Variants in ZBTB20 observed in about 807,000 individuals in gnomAD.
The protein encoded by ZBTB20 is zinc finger and BTB domain-containing protein 20.
Under a neutral mutation model 56.9 loss-of-function variants are expected in ZBTB20, and 9 were observed. The ratio of observed to expected loss-of-function variants is 0.16; its 90% CI spans 0.10 to 0.28. The LOEUF is 0.28. Among genes scored for constraint, ZBTB20 ranks in the 10% least tolerant of loss-of-function variants. The pLI, the probability that ZBTB20 is intolerant of heterozygous loss-of-function variation, is 1.00. For missense variants in ZBTB20, 655 were observed against 1,003.0 expected, an observed-to-expected ratio of 0.65 and a Z score of 4.69; for synonymous variants, 417 against 420.7, an observed-to-expected ratio of 0.99 and a Z score of 0.11.
intron 6 of ZBTB20, among the ~76,000 whole-genome samples, chr3:114,512,078 CAA>C (rs1295760540): frequency 1.3e-5 from 2 of 151,996 alleles, no homozygotes; most frequent in African/African-American, 4.8e-5. Flanking sequence ...TCTGTTAGAC[CAA>C]TACAGTATGT....
At chr3:115,008,744 C>T (rs916069104) in intron 2 of ZBTB20, among the ~76,000 whole-genome samples, 2 of 151,818 alleles carry the variant, frequency 1.3e-5, no homozygotes, top group Non-Finnish European at 2.9e-5. Context: ...TAATGGCAAA[C>T]ATTTTTTCTT....
chr3:114,673,107 A>G (rs1192824747), intron 6 of ZBTB20, among the ~76,000 whole-genome samples: 5 of 152,174 alleles, frequency 3.3e-5, no homozygotes, highest in Admixed American at 3.3e-4. Flanking sequence ...AGACATGCTT[A>G]GCTGCTCTCA....
Position 114,614,379 on chromosome 3 carries a change from A to T in ZBTB20, c.-295+79149T>A, listed in dbSNP as rs570629462. Among the ~76,000 whole-genome samples, 4 of 152,308 alleles carry T rather than the reference A, an allele frequency of 2.6e-5. No individual in the cohort carries two copies. In the East Asian group the frequency reaches 7.7e-4, roughly 29 times the overall value. ...GGAAAAATTGAGTATTGTGAGGAGC[A>T]CTGGAACAATGGAAAAGGTAATATG... On this transcript the variant is annotated intron_variant, in intron 6 of 11. Coordinates refer to ENST00000675478, the MANE Select transcript of ZBTB20 (RefSeq NM_001348800.3).
chr3:114,635,478 C>A (rs1375088181), intron 6 of ZBTB20, among the ~76,000 whole-genome samples: 2 of 151,888 alleles, frequency 1.3e-5, no homozygotes, highest in Non-Finnish European at 2.9e-5. Flanking sequence ...AATTAACTGA[C>A]AAAGAATGCA....
At chr3:114,632,979 A>C (rs567778743) in intron 6 of ZBTB20, among the ~76,000 whole-genome samples, 1 of 152,194 alleles carries the variant, frequency 6.6e-6, no homozygotes, top group African/African-American at 2.4e-5. Context: ...TTAGATGCAA[A>C]TTTTTTGACT....
chr3:114,806,528 A>G (rs1377102513), intron 4 of ZBTB20, among the ~76,000 whole-genome samples: 1 of 151,902 alleles, frequency 6.6e-6, no homozygotes, highest in Non-Finnish European at 1.5e-5. Context: ...AATCTTGCAA[A>G]TATTTTCGCC....
At chr3:114,967,025 C>G (rs1560445947) in intron 3 of ZBTB20, among the ~76,000 whole-genome samples, 1 of 151,986 alleles carries the variant, frequency 6.6e-6, no homozygotes. Flanking sequence ...CTAGTTTTAA[C>G]CTAGAGAATA....
At chr3:114,721,885 A>T (rs1404112748) in intron 5 of ZBTB20, among the ~76,000 whole-genome samples, 2 of 152,244 alleles carry the variant, frequency 1.3e-5, no homozygotes, top group Admixed American at 6.5e-5. Context: ...TCTTGACTTC[A>T]CATTGTACAT....
intron 10 of ZBTB20, among the ~76,000 whole-genome samples, chr3:114,355,616 C>T (rs1487976361): frequency 6.6e-6 from 1 of 152,110 alleles, no homozygotes; most frequent in Non-Finnish European, 1.5e-5. Flanking sequence ...AGGCAAAGTC[C>T]AGGCTTTTGT....
At chr3:114,832,734 C>G (rs1303403326) in intron 4 of ZBTB20, among the ~76,000 whole-genome samples, 1 of 151,996 alleles carries the variant, frequency 6.6e-6, no homozygotes. Flanking sequence ...ATCTTAGATA[C>G]TAAATTTGTG....
At chr3:115,085,720 C>A (rs1040222921) in intron 1 of ZBTB20, among the ~76,000 whole-genome samples, 2 of 151,802 alleles carry the variant, frequency 1.3e-5, no homozygotes, top group African/African-American at 4.8e-5. Flanking sequence ...TGCCTCAGGC[C>A]GAGTGATAAG....
chr3:114,800,347 T>C (rs2071623128), intron 5 of ZBTB20, among the ~76,000 whole-genome samples: 1 of 151,894 alleles, frequency 6.6e-6, no homozygotes. Context: ...TTCTATTCAC[T>C]GCCTGTTATT....
At chr3:114,891,509 C>G (rs2076805724) in intron 4 of ZBTB20, among the ~76,000 whole-genome samples, 1 of 152,146 alleles carries the variant, frequency 6.6e-6, no homozygotes, top group Admixed American at 6.5e-5. Context: ...AGAATTCACT[C>G]TTATTACTAT....
chr3:114,988,894 G>T (rs1175836329), intron 2 of ZBTB20, among the ~76,000 whole-genome samples: 3 of 152,188 alleles, frequency 2.0e-5, no homozygotes, highest in African/African-American at 7.2e-5. Flanking sequence ...CTGCATAAAT[G>T]TCTTCTTTTG....
intron 4 of ZBTB20, among the ~76,000 whole-genome samples, chr3:114,801,778 C>T (rs1026427589): frequency 6.6e-6 from 1 of 151,334 alleles, no homozygotes; most frequent in Non-Finnish European, 1.5e-5. Flanking sequence ...CATTTCACAT[C>T]ATATTGTACA....
At chr3:114,618,806 G>A (rs546802573) in intron 6 of ZBTB20, among the ~76,000 whole-genome samples, 1 of 152,236 alleles carries the variant, frequency 6.6e-6, no homozygotes, top group East Asian at 1.9e-4. Context: ...ACTATTGAAA[G>A]GAACAGACAA....
At chr3:115,091,527 T>C (rs2083192457) in intron 1 of ZBTB20, among the ~76,000 whole-genome samples, 1 of 151,958 alleles carries the variant, frequency 6.6e-6, no homozygotes, top group South Asian at 2.1e-4. Flanking sequence ...CAATGCCTTG[T>C]TTTCATAATC....
At chr3:114,365,365 G>A (rs2082288664) in intron 10 of ZBTB20, among the ~76,000 whole-genome samples, 1 of 152,156 alleles carries the variant, frequency 6.6e-6, no homozygotes, top group South Asian at 2.1e-4. Flanking sequence ...GGGAGGGTGG[G>A]CATGAAGCAT....
At chr3:114,544,657 T>C (rs572667795) in intron 6 of ZBTB20, among the ~76,000 whole-genome samples, 2 of 151,978 alleles carry the variant, frequency 1.3e-5, no homozygotes, top group South Asian at 4.1e-4. Flanking sequence ...GCACATGCCA[T>C]CACTCCTGCC....
Sources: gnomAD v4.1 joint callset for allele counts (sites outside exome capture counted in the v4.1 genomes callset) on GRCh38, gnomAD v4.1.1 for gene constraint, MANE v1.5 for transcripts, NCBI Gene and HGNC (gene_info 2026-07-23, HGNC 2026-07-21) for gene names.